Variants in SYT16 observed in about 807,000 individuals in gnomAD.
The protein encoded by SYT16 is synaptotagmin-16.
Under a neutral mutation model 61.4 loss-of-function variants are expected in SYT16, and 42 were observed. That is an observed-to-expected ratio of 0.68 (90% confidence interval 0.53 to 0.89). The LOEUF is 0.89. SYT16 is among the 40% of genes least tolerant of loss of function. The pLI, the probability that SYT16 is intolerant of heterozygous loss-of-function variation, is 0.00. For synonymous variants in SYT16, 314 were observed against 302.3 expected (o/e 1.04, Z -0.40); for missense variants, 804 against 807.3 (o/e 1.00, Z 0.05).
intron 1 of SYT16, among the ~76,000 whole-genome samples, chr14:61,895,166 T>C (rs944501915): frequency 6.6e-6 from 1 of 152,250 alleles, no homozygotes; most frequent in African/African-American, 2.4e-5. Context: ...TGTGAAGGAA[T>C]GGAGGTAATG....
chr14:61,901,638 T>G (rs2048518665), intron 1 of SYT16, among the ~76,000 whole-genome samples: 1 of 152,112 alleles, frequency 6.6e-6, no homozygotes, highest in Non-Finnish European at 1.5e-5. Flanking sequence ...TTGATCTGTT[T>G]GAGTAGCATG....
chr14:61,985,059 G>T (rs2140577123), intron 2 of SYT16, among the ~76,000 whole-genome samples: 1 of 152,230 alleles, frequency 6.6e-6, no homozygotes, highest in Non-Finnish European at 1.5e-5. Context: ...AAGAGGATCT[G>T]ATTATTAATG....
chr14:62,063,005 C>T (rs1239618538), intron 3 of SYT16, among the ~76,000 whole-genome samples: 1 of 152,166 alleles, frequency 6.6e-6, no homozygotes, highest in East Asian at 1.9e-4. Context: ...CTCTTTGCAT[C>T]GCCAGTTGGT....
At chr14:61,813,013 G>C (rs987587457) in intron 1 of SYT16, among the ~76,000 whole-genome samples, 1 of 152,242 alleles carries the variant, frequency 6.6e-6, no homozygotes, top group African/African-American at 2.4e-5. Flanking sequence ...TGTGGCAGAA[G>C]GGCGTGCGCC....
intron 3 of SYT16, among the ~76,000 whole-genome samples, chr14:62,009,656 T>C (rs2053366492): frequency 6.6e-6 from 1 of 152,128 alleles, no homozygotes. Context: ...CATTGAAAGA[T>C]GGGAGGAGGT....
chr14:62,041,437 C>T (rs182650515), intron 3 of SYT16, among the ~76,000 whole-genome samples: 1 of 152,288 alleles, frequency 6.6e-6, no homozygotes, highest in Admixed American at 6.5e-5. Flanking sequence ...CCATTTTTCT[C>T]AGGCTTAGAC....
chr14:61,837,850 A>G (rs1332782733), intron 1 of SYT16, among the ~76,000 whole-genome samples: 1 of 152,238 alleles, frequency 6.6e-6, no homozygotes, highest in South Asian at 2.1e-4. Context: ...TGTCTTTCTC[A>G]GTATCCAGCA....
chr14:61,949,031 T>C (rs1468465068), intron 1 of SYT16, among the ~76,000 whole-genome samples: 1 of 152,166 alleles, frequency 6.6e-6, no homozygotes, highest in Non-Finnish European at 1.5e-5. Flanking sequence ...TGGATGGAAA[T>C]AGACCTTGAG....
intron 7 of SYT16, among the ~76,000 whole-genome samples, chr14:62,093,058 A>T (rs757987539): frequency 7.2e-5 from 11 of 152,086 alleles, no homozygotes; most frequent in Non-Finnish European, 1.3e-4. Flanking sequence ...GGCTGTATGT[A>T]TGTGGGAGCA....
intron 1 of SYT16, among the ~76,000 whole-genome samples, chr14:61,845,221 GT>G (rs2046410299): frequency 6.6e-6 from 1 of 151,654 alleles, no homozygotes; most frequent in Admixed American, 6.6e-5. Flanking sequence ...CTAATTTTTT[GT>G]ATTTTTAGTA....
At chr14:61,835,616 G>C (rs2140243278) in intron 1 of SYT16, among the ~76,000 whole-genome samples, 1 of 151,838 alleles carries the variant, frequency 6.6e-6, no homozygotes, top group South Asian at 2.1e-4. Flanking sequence ...GCCATTTAGG[G>C]ATTTTTAAAA....
intron 1 of SYT16, among the ~76,000 whole-genome samples, chr14:61,911,019 T>G (rs1018667223): frequency 1.1e-4 from 17 of 152,240 alleles, no homozygotes; most frequent in African/African-American, 4.1e-4. Context: ...CAACAGCATG[T>G]GGTTTTACTG....
intron 7 of SYT16, among the ~76,000 whole-genome samples, chr14:62,088,541 T>C (rs993743291): frequency 1.3e-4 from 20 of 152,230 alleles, no homozygotes; most frequent in African/African-American, 4.8e-4. Context: ...GATAGGGATG[T>C]GAGTTAAATG....
chr14:62,069,941 C>T (rs1187959641), intron 4 of SYT16, 126 bp downstream of exon 4: 3 of 1,113,598 alleles, frequency 2.7e-6, no homozygotes, highest in Non-Finnish European at 2.5e-6. Context: ...AGGCAGGATG[C>T]ATTACGTGGA....
At chr14:62,002,154 A>G (rs2053043766) in intron 3 of SYT16, among the ~76,000 whole-genome samples, 3 of 152,092 alleles carry the variant, frequency 2.0e-5, no homozygotes, top group African/African-American at 7.2e-5. Context: ...AAAATAGAAC[A>G]TTATATGTAG....
intron 1 of SYT16, among the ~76,000 whole-genome samples, chr14:61,837,828 GCTTC>G (rs1232546745): frequency 6.6e-6 from 1 of 152,182 alleles, no homozygotes; most frequent in Non-Finnish European, 1.5e-5. Flanking sequence ...TCAGATGTCG[GCTTC>G]CTTCCTATGT....
intron 3 of SYT16, among the ~76,000 whole-genome samples, chr14:62,058,702 G>A (rs1409896092): frequency 6.6e-6 from 1 of 152,066 alleles, no homozygotes; most frequent in African/African-American, 2.4e-5. Context: ...TTCAAAAGTA[G>A]TTTTATCATT....
intron 1 of SYT16, among the ~76,000 whole-genome samples, chr14:61,912,490 G>A (rs1169018413): frequency 1.3e-5 from 2 of 152,176 alleles, no homozygotes; most frequent in African/African-American, 2.4e-5. Flanking sequence ...TGGCCTTTAT[G>A]TTTGCTGTCT....
At chr14:62,051,899 G>C (rs914144041) in intron 3 of SYT16, among the ~76,000 whole-genome samples, 2 of 152,112 alleles carry the variant, frequency 1.3e-5, no homozygotes, top group African/African-American at 4.8e-5. Context: ...GGGTGTGGTG[G>C]CACACACCTG....
Sources: allele counts gnomAD v4.1 joint callset (sites outside exome capture counted in the v4.1 genomes callset), GRCh38; gene constraint gnomAD v4.1.1; transcripts MANE v1.5; gene names NCBI Gene and HGNC (gene_info 2026-07-23, HGNC 2026-07-21).